The following CACNA1C variants were observed in gnomAD, a reference collection of about 807,000 sequenced individuals.
CACNA1C encodes voltage-dependent L-type calcium channel subunit alpha-1C.
In CACNA1C, 30 loss-of-function variants were observed where a neutral mutation model predicts 229.0. The observed-to-expected ratio is 0.13, with a 90% CI of 0.10 to 0.18. CACNA1C has a LOEUF of 0.18. Ranked by LOEUF, CACNA1C falls within the 10% of genes least tolerant of loss-of-function variation. The pLI is 1.00. For synonymous variants in CACNA1C, 1,114 were observed against 1,132.5 expected (o/e 0.98, Z 0.33); for missense variants, 1,658 against 2,845.0 (o/e 0.58, Z 9.49).
At chr12:2,136,099 C>G (rs1448255408) in intron 3 of CACNA1C, among the ~76,000 whole-genome samples, 1 of 151,314 alleles carries the variant, frequency 6.6e-6, no homozygotes, top group Non-Finnish European at 1.5e-5. Context: ...CTTTCTTTGA[C>G]TCGGAAAGGG....
chr12:2,182,457 T>C (rs762122502), intron 3 of CACNA1C, among the ~76,000 whole-genome samples: 56 of 152,148 alleles, frequency 3.7e-4, no homozygotes, highest in Non-Finnish European at 7.5e-4. Context: ...CCACTCACAT[T>C]TGTAGCCATT....
intron 1 of CACNA1C, among the ~76,000 whole-genome samples, chr12:1,987,289 T>C (rs1326006534): frequency 1.3e-5 from 2 of 152,228 alleles, no homozygotes; most frequent in Non-Finnish European, 2.9e-5. Flanking sequence ...TACATCATTA[T>C]AATACTAGTA....
chr12:2,411,839 C>T (rs1434542348), intron 3 of CACNA1C, among the ~76,000 whole-genome samples: 2 of 152,230 alleles, frequency 1.3e-5, no homozygotes, highest in Non-Finnish European at 2.9e-5. Context: ...TGAAGCTCTG[C>T]CCCAAAGGAA....
rs1004270675 is a variant in CACNA1C, at chr12:2,067,479, TGTGCGC to T, written c.49+13870_49+13875del. ...GTGTGTGTGTGTGTGTGTGTGTGTG[TGTGCGC>T]GCGTGTGCGTGCCTGTATGTAAGGG... On this transcript the variant is annotated intron_variant, in intron 1 of 46. Transcript: ENST00000399655. This position sits in a 1 kb window ranked among gnomAD's most constrained non-coding sequence, Gnocchi z 5.3. 9.5e-5 allele frequency among the ~76,000 whole-genome samples: 12 copies of T among 126,946 alleles called. No individual in the cohort carries two copies. Among genetic ancestry groups the T allele is most frequent in the African/African-American group, 3.5e-4 (12 of 34,318 alleles). 83.3% of individuals were successfully genotyped at this position (126,946 alleles called of 152,430 possible).
intron 1 of CACNA1C, among the ~76,000 whole-genome samples, chr12:2,016,472 C>T (rs1033812218): frequency 1.3e-5 from 2 of 152,026 alleles, no homozygotes; most frequent in Non-Finnish European, 2.9e-5. Context: ...TCTTGTTGCC[C>T]AGGCTGGAGT....
chr12:2,664,888 C>G lies in CACNA1C; in HGVS notation c.4296C>G (p.Ala1432=). The G allele has an allele frequency of 6.2e-7, 1 of 1,613,300 alleles. No individual in the cohort carries two copies. The highest frequency in any genetic ancestry group is 8.5e-7 in the Non-Finnish European group (1 of 1,179,570). The change falls in exon 35 of 47, where the codon GCC becomes GCG. Residue 1432 remains alanine, a synonymous_variant. Transcript: ENST00000399655. ...CCTGCATGCCAGGCAAGAAGTGTGC[C>G]CCAGAGTCCGAGCCCAGCAACAGCA... ...MLACMPGKKC[A]PESEPSNSTE... is the part of the protein sequence containing the mutation.
chr12:2,405,962 A>G (rs1248413452), intron 3 of CACNA1C, among the ~76,000 whole-genome samples: 1 of 151,992 alleles, frequency 6.6e-6, no homozygotes, highest in Admixed American at 6.6e-5. Context: ...GACCAAGTCT[A>G]TTAGTTTTCT....
intron 34 of CACNA1C, among the ~76,000 whole-genome samples, chr12:2,664,095 A>C (rs2095936016): frequency 6.6e-6 from 1 of 152,232 alleles, no homozygotes. Context: ...ACCTGAATCA[A>C]ACAAGCAAAA....
chr12:2,243,695 TG>T (rs2071655843), intron 3 of CACNA1C, among the ~76,000 whole-genome samples: 1 of 152,344 alleles, frequency 6.6e-6, no homozygotes, highest in Admixed American at 6.5e-5. Context: ...AGTCTGTCCC[TG>T]GAACAGGCCA....
rs747117237 is a variant in CACNA1C, at chr12:2,585,948, A to G, written c.2530+44A>G. The G allele has an allele frequency of 7.7e-7, 1 of 1,293,634 alleles. No homozygotes were observed. The highest frequency in any genetic ancestry group is 1.1e-6 in the Non-Finnish European group (1 of 925,758). 80.1% of individuals were successfully genotyped at this position (1,293,634 alleles called of 1,614,324 possible). ...AACCTGGGATTGGGAGATTGGGGGC[A>G]GAGATCTAAATTCTAAAGCCACGTG... On this transcript the variant is annotated intron_variant, in intron 18 of 46. Coordinates refer to ENST00000399655, the MANE Select transcript of CACNA1C (RefSeq NM_000719.7). The surrounding 1 kb of genome is among the most constrained non-coding windows in gnomAD (Gnocchi z 4.1).
At chr12:2,344,223 T>C (rs958372123) in intron 3 of CACNA1C, among the ~76,000 whole-genome samples, 1 of 152,216 alleles carries the variant, frequency 6.6e-6, no homozygotes, top group Non-Finnish European at 1.5e-5. Flanking sequence ...TTAGGAAATT[T>C]ACCTGTGATG....
Position 2,685,921 on chromosome 12 carries a change from G to A in CACNA1C, c.5680+79G>A, listed in dbSNP as rs533854529. On this transcript the variant is annotated intron_variant, in intron 44 of 46. Transcript: ENST00000399655. ...ACTGGTCAGGGATGATTGGGAAATC[G>A]TTGTGGCCTGCCTCAAATCAGCCCC... 60 of 1,078,802 alleles carry A rather than the reference G, an allele frequency of 5.6e-5. 1 individual carries two copies. Among genetic ancestry groups the A allele is most frequent in the Middle Eastern group, 2.2e-4 (1 of 4,564 alleles). 66.8% of individuals were successfully genotyped at this position (1,078,802 alleles called of 1,614,324 possible).
chr12:2,118,298 G>A (rs143055109), intron 2 of CACNA1C, among the ~76,000 whole-genome samples: 2,210 of 152,242 alleles, frequency 0.015, 20 homozygotes, highest in Non-Finnish European at 0.024. Context: ...TCCTTGTCCC[G>A]ATGGGGAGAG....
chr12:2,681,476 C>T (rs371761039), intron 42 of CACNA1C, among the ~76,000 whole-genome samples: 2 of 152,338 alleles, frequency 1.3e-5, no homozygotes, highest in East Asian at 1.9e-4. Context: ...TCAAGGCTAA[C>T]GGCAGCTCTA....
chr12:2,351,585 G>C (rs970543392), intron 3 of CACNA1C, among the ~76,000 whole-genome samples: 2 of 152,170 alleles, frequency 1.3e-5, no homozygotes, highest in African/African-American at 4.8e-5. Flanking sequence ...GGGACCTTAG[G>C]GTCCAGGGCG....
Position 2,410,065 on chromosome 12 carries a change from C to T in CACNA1C, c.478-38911C>T, listed in dbSNP as rs373836599. Among the ~76,000 whole-genome samples the T allele has an allele frequency of 2.0e-5, 3 of 152,188 alleles. No individual in the cohort carries two copies. Among genetic ancestry groups the T allele is most frequent in the East Asian group, 1.9e-4 (1 of 5,186 alleles). ...GAATGAATCATCCTCACCTGCCAGC[C>T]GCGGGCCTCAGCAAGCTGGCAGCTT... On this transcript the variant is annotated intron_variant, in intron 3 of 46. Coordinates refer to ENST00000399655, the MANE Select transcript of CACNA1C (RefSeq NM_000719.7). The surrounding 1 kb of genome is among the most constrained non-coding windows in gnomAD (Gnocchi z 5.3).
At chr12:2,242,676 C>T (rs1040093939) in intron 3 of CACNA1C, among the ~76,000 whole-genome samples, 18 of 152,190 alleles carry the variant, frequency 1.2e-4, no homozygotes, top group Non-Finnish European at 2.2e-4. Flanking sequence ...AGTGAAGCAT[C>T]GTCATGGAGA....
At chr12:2,228,994 C>T (rs967714211) in intron 3 of CACNA1C, among the ~76,000 whole-genome samples, 1 of 152,092 alleles carries the variant, frequency 6.6e-6, no homozygotes, top group African/African-American at 2.4e-5. Flanking sequence ...CTCCTGTAGC[C>T]TCAAGAGAGC....
intron 1 of CACNA1C, among the ~76,000 whole-genome samples, chr12:2,114,065 T>C (rs2154134783): frequency 6.6e-6 from 1 of 152,320 alleles, no homozygotes; most frequent in East Asian, 1.9e-4. Context: ...ACAAAGTGGC[T>C]CACAACAGCA....
Sources: allele counts gnomAD v4.1 joint callset (sites outside exome capture counted in the v4.1 genomes callset), GRCh38; gene constraint gnomAD v4.1.1; non-coding constraint Gnocchi (gnomAD v3.1); transcripts MANE v1.5; gene names NCBI Gene and HGNC (gene_info 2026-07-23, HGNC 2026-07-21).